Variants in MAGIX observed in about 807,000 individuals in gnomAD.
MAGIX encodes PDZ domain-containing protein MAGIX.
A neutral mutation model predicts 10.0 loss-of-function variants in MAGIX; 13 were observed. That is an observed-to-expected ratio of 1.30 (90% CI 0.84 to 2.06). The LOEUF is 2.06. Ranked by LOEUF, MAGIX falls within the 30% of genes most tolerant of loss-of-function variation. The pLI, the probability that MAGIX is intolerant of heterozygous loss-of-function variation, is 0.00. For missense variants in MAGIX, 235 were observed against 245.2 expected, an observed-to-expected ratio of 0.96 and a Z score of 0.28; for synonymous variants, 108 against 106.8, an observed-to-expected ratio of 1.01 and a Z score of -0.07.
intron 4 of MAGIX, chrX:49,165,680 C>A: frequency 3.2e-6 from 1 of 310,625 alleles, no homozygotes; most frequent in Non-Finnish European, 5.6e-6. Flanking sequence ...TTCTCAGAGG[C>A]GAAGGCAGAG....
At chrX:49,166,364 G>C (rs781952851) in exon 5 of MAGIX, 1 of 1,151,008 alleles carries the variant, frequency 8.7e-7, no homozygotes, top group South Asian at 2.0e-5. Flanking sequence ...AGCGCAGCTC[G>C]CTCAGGAGAT....
chrX:49,163,571 G>A, intron 1 of MAGIX: 1 of 282,543 alleles, frequency 3.5e-6, no homozygotes, highest in Middle Eastern at 1.0e-3. Flanking sequence ...GATCTCCAGG[G>A]ACACCGTGGG....
exon 3 of MAGIX, chrX:49,164,933 C>T (rs183167298): frequency 8.4e-4 from 1,015 of 1,211,226 alleles, no homozygotes; most frequent in Non-Finnish European, 1.1e-3. Context: ...GCTCCGAAGC[C>T]ATCCCAGGCC....
At chrX:49,162,683 C>T (rs1341939028) in exon 1 of MAGIX, 6 of 301,603 alleles carry the variant, frequency 2.0e-5, no homozygotes, top group Non-Finnish European at 2.9e-5. Context: ...GCGGCGCCTG[C>T]AGCAGAGTGA....
intron 1 of MAGIX, chrX:49,163,554 A>C: frequency 1.9e-5 from 5 of 268,106 alleles, no homozygotes. Context: ...TATTGCAGTC[A>C]AACAGCGATC....
chrX:49,163,138 G>A, intron 1 of MAGIX, 200 bp downstream of exon 1: 1 of 288,456 alleles, frequency 3.5e-6, no homozygotes, highest in East Asian at 4.9e-5. Context: ...CGAGGGAAAG[G>A]GCCGCGCACC....
exon 5 of MAGIX, chrX:49,166,545 C>A: frequency 2.1e-6 from 1 of 473,691 alleles, no homozygotes; most frequent in African/African-American, 2.4e-5. Flanking sequence ...CCACACTCCC[C>A]TCGCAGCGTC....
exon 5 of MAGIX, chrX:49,166,130 C>CGCA (rs782083482): frequency 4.1e-6 from 5 of 1,211,764 alleles, no homozygotes; most frequent in South Asian, 3.5e-5. Flanking sequence ...AACGGGGTCT[C>CGCA]GCAGCAGCAG....
At chrX:49,167,767 A>T (rs1557098606) in exon 5 of MAGIX, 1 of 112,164 alleles carries the variant, frequency 8.9e-6, no homozygotes, top group African/African-American at 3.2e-5. Context: ...GCCCCAGTCT[A>T]TAAATACAGT....
downstream of MAGIX, among the ~76,000 whole-genome samples, chrX:49,168,774 CAAAAAAA>C (rs35343968): frequency 1.8e-4 from 3 of 16,901 alleles, no homozygotes; most frequent in African/African-American, 7.0e-4. Context: ...GACCTTATCT[CAAAAAAA>C]AAAAAAAAAA....
At chrX:49,166,513 A>C (rs2065369569) in exon 5 of MAGIX, 1 of 611,886 alleles carries the variant, frequency 1.6e-6, no homozygotes, top group African/African-American at 2.3e-5. Flanking sequence ...TGGTCCCCCC[A>C]CCCGCTGCTC....
chrX:49,168,698 G>A (rs1257280083), downstream of MAGIX, among the ~76,000 whole-genome samples: 1 of 96,759 alleles, frequency 1.0e-5, no homozygotes, highest in East Asian at 3.3e-4. Context: ...GATCACTTGA[G>A]CCTGGGAGGT....
At position 49,165,070 on chromosome X, in the gene MAGIX, C is replaced by T. The variant is rs781822910; in HGVS notation, c.310C>T (p.Gln104Ter). 2.5e-6 allele frequency: 3 copies of T among 1,205,681 alleles called. No individual in the cohort carries two copies. The highest frequency in any genetic ancestry group is 3.0e-5 in the East Asian group (1 of 33,664). The stretch of plus-strand genomic sequence containing the variant: ...CGGGCTGCTGAAGGATGGCCCAGCA[C>T]AGCGCTGTGGTCGTTTGGAGGTGAG... The change falls in exon 3 of 5, where the codon CAG becomes TAG. Residue 104 changes from glutamine (Q) to a stop codon, truncating the protein, a stop_gained. Coordinates refer to ENST00000616266, the Ensembl canonical transcript of MAGIX. LOFTEE classifies it high-confidence loss of function.
Position 49,164,888 on chromosome X carries a change from C to T in MAGIX, c.128C>T (p.Ala43Val), listed in dbSNP as rs782749138. 156 of 1,210,727 alleles carry T rather than the reference C, an allele frequency of 1.3e-4. No homozygotes were observed. The highest frequency in any genetic ancestry group is 1.6e-4 in the Non-Finnish European group (140 of 895,127). The change falls in exon 3 of 5, where the codon GCA becomes GTA. Residue 43 changes from alanine (A) to valine (V), a missense_variant. Ala to Val is a moderately conservative substitution (Grantham distance 64, BLOSUM62 0). Coordinates refer to ENST00000616266, the Ensembl canonical transcript of MAGIX. ...CACCGTTGGTTAGAGACATGTAACG[C>T]ACCTCCCCAATTGATCCAGGGTAAG...
chrX:49,168,523 G>A (rs2065380443), downstream of MAGIX: 1 of 103,836 alleles, frequency 9.6e-6, no homozygotes, highest in Non-Finnish European at 2.0e-5. Flanking sequence ...GTTTGTGCCT[G>A]TAATCCCAGT....
rs1189344783 is a variant in MAGIX at position 49,163,782 on chromosome X, G to A, written c.-201-1G>A. The A allele has an allele frequency of 2.9e-6, 3 of 1,045,458 alleles. No homozygotes were observed. The African/African-American group carries it at 6.0e-5, about 21-fold the overall frequency. 86.2% of individuals were successfully genotyped at this position (1,045,458 alleles called of 1,213,427 possible). Reference sequence around the variant, plus strand: ...GTTGACCTGTCCCCTCTTGCGCGCAGGCCGCGGCCCCTCCCCGCTCGCGGG... The same window carrying A: ...GTTGACCTGTCCCCTCTTGCGCGCAAGCCGCGGCCCCTCCCCGCTCGCGGG... On this transcript the variant is annotated splice_acceptor_variant, in intron 1 of 4. Transcript: ENST00000616266. LOFTEE classifies it low-confidence loss of function (5UTR_SPLICE).
At chrX:49,162,866 C>T (rs782779580) in intron 1 of MAGIX, 4 of 900,537 alleles carry the variant, frequency 4.4e-6, no homozygotes, top group Non-Finnish European at 4.4e-6. Context: ...GGCAGCCCTG[C>T]GTCCACCCGG....
At chrX:49,167,722 G>T (rs1375209853) in exon 5 of MAGIX, 2 of 111,671 alleles carry the variant, frequency 1.8e-5, no homozygotes, top group African/African-American at 6.5e-5. Context: ...CCTGGTGGAG[G>T]TGTGGTTCTT....
At chrX:49,166,001 G>A (rs918136381) in intron 4 of MAGIX, 73 bp from the exon 6 acceptor site, 1 of 1,036,908 alleles carries the variant, frequency 9.6e-7, no homozygotes, top group Non-Finnish European at 1.3e-6. Context: ...CGCAGCCTTT[G>A]GGTTCTCCTG....
Sources: gnomAD v4.1 joint callset for allele counts (sites outside exome capture counted in the v4.1 genomes callset) on GRCh38, gnomAD v4.1.1 for gene constraint, MANE v1.5 for transcripts, NCBI Gene and HGNC (gene_info 2026-07-23, HGNC 2026-07-21) for gene names.